VSNL1: variants seen among roughly 807,000 people sequenced by gnomAD.
The protein encoded by VSNL1 is visinin like 1, also known as visinin-like protein 1.
In VSNL1, 6 loss-of-function variants were observed where a neutral mutation model predicts 20.4. That is an observed-to-expected ratio of 0.29 (90% CI 0.16 to 0.58). The LOEUF (loss-of-function observed/expected upper bound fraction) is 0.58, where lower values mean the gene tolerates loss of function less well. Ranked by LOEUF, VSNL1 falls within the 20% of genes least tolerant of loss-of-function variation. The pLI is 0.90. For synonymous variants in VSNL1, 93 were observed against 86.4 expected, an observed-to-expected ratio of 1.08 and a Z score of -0.42; for missense variants, 100 against 234.5, an observed-to-expected ratio of 0.43 and a Z score of 3.75.
chr2:17,622,643 C>A (rs541152971), intron 2 of VSNL1, among the ~76,000 whole-genome samples: 60 of 152,020 alleles, frequency 3.9e-4, no homozygotes, highest in African/African-American at 1.4e-3. Flanking sequence ...AATGTTGCAG[C>A]ACTTTCTCCT....
intron 1 of VSNL1, among the ~76,000 whole-genome samples, chr2:17,565,913 G>A (rs913767851): frequency 6.6e-6 from 1 of 152,066 alleles, no homozygotes; most frequent in African/African-American, 2.4e-5. Context: ...GTTTTATAAG[G>A]GTCTTCCTTG....
At chr2:17,606,956 G>A (rs946820783) in intron 2 of VSNL1, among the ~76,000 whole-genome samples, 2 of 152,118 alleles carry the variant, frequency 1.3e-5, no homozygotes, top group Non-Finnish European at 2.9e-5. Flanking sequence ...GATGCCTGGA[G>A]TTGCCACAGC....
intron 2 of VSNL1, among the ~76,000 whole-genome samples, chr2:17,608,633 C>A (rs1405378413): frequency 6.6e-6 from 1 of 152,162 alleles, no homozygotes; most frequent in East Asian, 1.9e-4. Flanking sequence ...AAGTGGGTAG[C>A]ATTAGACACC....
chr2:17,580,081 G>T (rs1664315459), intron 1 of VSNL1, among the ~76,000 whole-genome samples: 1 of 152,162 alleles, frequency 6.6e-6, no homozygotes, highest in South Asian at 2.1e-4. Context: ...TGCTAACAAT[G>T]CCAAGGTTTA....
At chr2:17,560,607 A>G (rs1213332262) in intron 1 of VSNL1, among the ~76,000 whole-genome samples, 1 of 152,200 alleles carries the variant, frequency 6.6e-6, no homozygotes, top group Non-Finnish European at 1.5e-5. Context: ...CTCACATTAC[A>G]TAAAATGAAT....
At chr2:17,569,476 T>C (rs1414545013) in intron 1 of VSNL1, among the ~76,000 whole-genome samples, 1 of 152,050 alleles carries the variant, frequency 6.6e-6, no homozygotes. Flanking sequence ...GTTTAATTTC[T>C]CTCCTACTCT....
chr2:17,578,024 T>C (rs1664257759), intron 1 of VSNL1, among the ~76,000 whole-genome samples: 1 of 152,218 alleles, frequency 6.6e-6, no homozygotes, highest in Non-Finnish European at 1.5e-5. Flanking sequence ...AGTGAGGTAA[T>C]CCATGAACAC....
At chr2:17,592,543 A>G (rs1664613679) in intron 2 of VSNL1, among the ~76,000 whole-genome samples, 2 of 151,056 alleles carry the variant, frequency 1.3e-5, no homozygotes, top group Non-Finnish European at 2.9e-5. Context: ...AATTATTGAC[A>G]GTTTGCTAAT....
intron 1 of VSNL1, among the ~76,000 whole-genome samples, chr2:17,590,428 T>C (rs1476907857): frequency 1.3e-5 from 2 of 152,160 alleles, no homozygotes; most frequent in Non-Finnish European, 2.9e-5. Flanking sequence ...TAATAGACAG[T>C]TGCTTATAAG....
chr2:17,619,161 C>T (rs1010624883), intron 2 of VSNL1, among the ~76,000 whole-genome samples: 1 of 152,158 alleles, frequency 6.6e-6, no homozygotes, highest in African/African-American at 2.4e-5. Flanking sequence ...ACCACCAGTG[C>T]CCAAAGAGGT....
In VSNL1 at chr2:17,656,725, A is replaced by G. The variant is rs2710668; in HGVS notation, c.*1331A>G. 55,271 of 152,016 alleles carry G rather than the reference A, an allele frequency of 0.36. 11,132 individuals are homozygous for G. Among genetic ancestry groups the G allele is most frequent in the African/African-American group, 0.51 (21,115 of 41,432 alleles). 9.4% of individuals were successfully genotyped at this position (152,016 alleles called of 1,614,324 possible). A position where few individuals can be genotyped will look rare whatever the true frequency, so the allele number is the denominator to read the frequency against. On this transcript the variant is annotated 3_prime_UTR_variant, in exon 4 of 4. Coordinates refer to ENST00000295156, the MANE Select transcript of VSNL1 (RefSeq NM_003385.5). ...AGAGTTGAGTTTTTTACACAGCACT[A>G]CCCGGTAGTACTTTCTCTGATGATG...
At chr2:17,641,482 C>A (rs776718223) in intron 2 of VSNL1, among the ~76,000 whole-genome samples, 25 of 152,178 alleles carry the variant, frequency 1.6e-4, no homozygotes, top group Non-Finnish European at 3.5e-4. Flanking sequence ...ATCCTAGTTT[C>A]ATAACAAAGA....
intron 1 of VSNL1, among the ~76,000 whole-genome samples, chr2:17,544,614 A>G (rs1184946041): frequency 6.6e-6 from 1 of 152,222 alleles, no homozygotes; most frequent in African/African-American, 2.4e-5. Flanking sequence ...GTTTCACAGA[A>G]TAACAGTTCA....
intron 2 of VSNL1, among the ~76,000 whole-genome samples, chr2:17,592,579 G>A (rs1664614220): frequency 6.8e-6 from 1 of 146,806 alleles, no homozygotes; most frequent in Admixed American, 6.7e-5. Context: ...CCTGTTAAAG[G>A]TATATGTACT....
intron 1 of VSNL1, among the ~76,000 whole-genome samples, chr2:17,546,840 T>G (rs1455762263): frequency 1.3e-5 from 2 of 152,048 alleles, no homozygotes; most frequent in African/African-American, 4.8e-5. Context: ...ACTATCAATT[T>G]TGTTAATTCC....
At chr2:17,608,525 GACCA>G (rs1016349686) in intron 2 of VSNL1, among the ~76,000 whole-genome samples, 3 of 152,178 alleles carry the variant, frequency 2.0e-5, no homozygotes, top group African/African-American at 7.2e-5. Context: ...CATAAGACCA[GACCA>G]ACCAGGAAGA....
At chr2:17,601,726 G>A (rs1274519799) in intron 2 of VSNL1, among the ~76,000 whole-genome samples, 2 of 152,068 alleles carry the variant, frequency 1.3e-5, no homozygotes, top group Admixed American at 6.5e-5. Context: ...CATGAGGTCT[G>A]GAGTTCGAGA....
intron 1 of VSNL1, among the ~76,000 whole-genome samples, chr2:17,549,659 C>T (rs1337000107): frequency 6.6e-6 from 1 of 152,044 alleles, no homozygotes; most frequent in Non-Finnish European, 1.5e-5. Context: ...TTTTTTGAAA[C>T]ACTTCTTTGG....
intron 1 of VSNL1, among the ~76,000 whole-genome samples, chr2:17,557,147 G>A (rs1191384394): frequency 1.3e-5 from 2 of 152,128 alleles, no homozygotes; most frequent in East Asian, 3.8e-4. Flanking sequence ...CAATGAAATA[G>A]ATATTATCCC....
Sources: allele counts gnomAD v4.1 joint callset (sites outside exome capture counted in the v4.1 genomes callset), GRCh38; gene constraint gnomAD v4.1.1; transcripts MANE v1.5; gene names NCBI Gene and HGNC (gene_info 2026-07-23, HGNC 2026-07-21).